Variants in TACC2 observed in about 807,000 individuals in gnomAD.
TACC2 encodes the protein transforming acidic coiled-coil-containing protein 2.
Under a neutral mutation model 227.3 loss-of-function variants are expected in TACC2, and 137 were observed. The ratio of observed to expected loss-of-function variants is 0.60; its 90% CI spans 0.52 to 0.69. The LOEUF is 0.69. Among genes scored for constraint, TACC2 ranks in the 30% least tolerant of loss-of-function variants. The probability of loss-of-function intolerance (pLI) is 0.00; values close to 1 mark genes in which losing one functional copy is unlikely to be tolerated. For missense variants in TACC2, 3,470 were observed against 3,694.4 expected (o/e 0.94, Z 1.57); for synonymous variants, 1,523 against 1,487.5 (o/e 1.02, Z -0.55).
In TACC2 at chr10:122,211,438, A is replaced by G. The variant is rs767291670; in HGVS notation, c.7013A>G (p.Asp2338Gly). Residue 2338 changes from aspartate to glycine, a missense_variant, in exon 9 of 23, where the codon GAT becomes GGT. Asp to Gly is a moderately conservative substitution (Grantham distance 94). Around this residue, in one of 10 missense-constraint regions of TACC2, gnomAD observed 593 missense variants for 636.6 expected, o/e 0.93. Transcript: ENST00000369005. ...IPIAKGTYTFDIDKWDDPNFN... is the reference protein window; with the variant it reads ...IPIAKGTYTFGIDKWDDPNFN... The stretch of plus-strand genomic sequence containing the variant: ...ATTGCTAAAGGTACTTACACCTTTG[A>G]TATTGACAAGTGGGATGACCCCAAT... 2.4e-5 allele frequency: 38 copies of G among 1,613,952 alleles called. No individual in the cohort carries two copies. In the South Asian group the frequency reaches 3.5e-4, roughly 15 times the overall value.
intron 11 of TACC2, among the ~76,000 whole-genome samples, chr10:122,224,403 A>G (rs2095581899): frequency 6.6e-6 from 1 of 152,192 alleles, no homozygotes. Flanking sequence ...GTGCTGTCTT[A>G]TGGGAACACT....
At chr10:122,211,904 T>A (rs2095303098) in intron 9 of TACC2, among the ~76,000 whole-genome samples, 196 bp downstream of exon 9, 1 of 152,204 alleles carries the variant, frequency 6.6e-6, no homozygotes, top group South Asian at 2.1e-4. Context: ...AGTGGTGGCA[T>A]TTTCCCATCC....
chr10:122,086,441 C>G lies in TACC2; in HGVS notation c.3941C>G (p.Pro1314Arg). Reference sequence around the variant, plus strand: ...GCAGTGCAAGCCAGCAGTGGTAGTCCCAAAGCCAGAACCACTGAGGGACCA... The same window carrying G: ...GCAGTGCAAGCCAGCAGTGGTAGTCGCAAAGCCAGAACCACTGAGGGACCA... ...IPAVQASSGSPKARTTEGPVD... is the reference protein window; with the variant it reads ...IPAVQASSGSRKARTTEGPVD... The change falls in exon 4 of 23, where the codon CCC becomes CGC. Residue 1314 changes from proline to arginine, a missense_variant. By Grantham distance (103) the Pro-to-Arg change is moderately radical. Coordinates refer to ENST00000369005, the MANE Select transcript of TACC2 (RefSeq NM_206862.4). 1.9e-6 allele frequency: 3 copies of G among 1,613,840 alleles called. No homozygotes were observed. The highest frequency in any genetic ancestry group is 2.5e-6 in the Non-Finnish European group (3 of 1,180,038).
At position 122,021,941 on chromosome 10, in the gene TACC2, C is replaced by A. The variant is rs756798875; in HGVS notation, c.-41C>A. On this transcript the variant is annotated 5_prime_UTR_variant, in exon 2 of 23. Transcript: ENST00000369005. The stretch of plus-strand genomic sequence containing the variant: ...ATACCCTTTTGTTTCTTCCAGTCAC[C>A]TCTGACAAAATTCTGGGGACGCTGG... 6.2e-7 allele frequency: 1 copy of A among 1,611,192 alleles called. No homozygotes were observed. Among genetic ancestry groups the A allele is most frequent in the South Asian group, 1.1e-5 (1 of 90,998 alleles).
chr10:122,189,299 C>T (rs1178241029), intron 7 of TACC2, among the ~76,000 whole-genome samples: 1 of 152,166 alleles, frequency 6.6e-6, no homozygotes, highest in African/African-American at 2.4e-5. Flanking sequence ...ACAGAGTCCT[C>T]AAACCCTTAC....
At chr10:122,034,029 G>A (rs111429242) in intron 2 of TACC2, among the ~76,000 whole-genome samples, 12,932 of 151,734 alleles carry the variant, frequency 0.085, 645 homozygotes, top group South Asian at 0.18. Context: ...GCGCACACCT[G>A]TAATCCCAGT....
intron 7 of TACC2, among the ~76,000 whole-genome samples, chr10:122,191,619 C>T (rs7082462): frequency 0.092 from 13,925 of 152,134 alleles, 1,014 homozygotes; most frequent in East Asian, 0.3. Context: ...GCCCATAGGC[C>T]GTGGGTTGGA....
Position 122,017,771 on chromosome 10 carries a change from C to T in TACC2, c.-45-4166C>T, listed in dbSNP as rs149346060. Among the ~76,000 whole-genome samples, 658 of 143,536 alleles carry T rather than the reference C, an allele frequency of 4.6e-3. 2 individuals are homozygous for T. The highest frequency in any genetic ancestry group is 0.036 in the Middle Eastern group (10 of 280). 94.2% of individuals were successfully genotyped at this position (143,536 alleles called of 152,430 possible). A position where few individuals can be genotyped will look rare whatever the true frequency, so the allele number is the denominator to read the frequency against. ...GGCAGAGGTTTCAGTGAGCCGAGAT[C>T]GCGCCACTGCACTTCATCCAGCCTG... is the stretch of plus-strand genomic sequence containing the variant. On this transcript the variant is annotated intron_variant, in intron 1 of 22. Coordinates refer to ENST00000369005, the MANE Select transcript of TACC2 (RefSeq NM_206862.4).
chr10:122,217,193 T>G (rs542600625), intron 11 of TACC2, among the ~76,000 whole-genome samples: 1 of 152,152 alleles, frequency 6.6e-6, no homozygotes, highest in Non-Finnish European at 1.5e-5. Flanking sequence ...AAACTCTCAG[T>G]GTAGGTCACT....
At chr10:122,218,821 G>A (rs2095464701) in intron 11 of TACC2, among the ~76,000 whole-genome samples, 1 of 151,770 alleles carries the variant, frequency 6.6e-6, no homozygotes, top group African/African-American at 2.4e-5. Context: ...AGGTGTTCAA[G>A]ACGAGCCTGG....
chr10:122,174,608 A>T (rs953634136), intron 7 of TACC2, among the ~76,000 whole-genome samples: 67 of 152,122 alleles, frequency 4.4e-4, no homozygotes, highest in African/African-American at 1.5e-3. Context: ...GTTTTTTTTT[A>T]AATTGAGAAA....
chr10:122,212,611 A>G (rs2095318587), intron 9 of TACC2, among the ~76,000 whole-genome samples: 1 of 152,206 alleles, frequency 6.6e-6, no homozygotes, highest in African/African-American at 2.4e-5. Flanking sequence ...GGGCAGCAGA[A>G]CAGACCACAG....
chr10:122,090,979 A>G (rs1051728242), intron 5 of TACC2, among the ~76,000 whole-genome samples: 10 of 152,274 alleles, frequency 6.6e-5, no homozygotes, highest in Admixed American at 1.3e-4. Flanking sequence ...GGCTCAAGCA[A>G]TCTTCCTGCT....
chr10:122,131,693 A>G (rs2138799015), intron 5 of TACC2, among the ~76,000 whole-genome samples: 1 of 152,318 alleles, frequency 6.6e-6, no homozygotes, highest in Middle Eastern at 3.4e-3. Flanking sequence ...TCCTTTTATT[A>G]TTAGATTTAA....
At chr10:122,062,427 C>T (rs747459103) in intron 3 of TACC2, among the ~76,000 whole-genome samples, 1 of 152,154 alleles carries the variant, frequency 6.6e-6, no homozygotes, top group Non-Finnish European at 1.5e-5. Flanking sequence ...CCTCGGCCTC[C>T]GGAGTAGCTG....
At chr10:122,200,063 G>A (rs1394195027) in intron 8 of TACC2, among the ~76,000 whole-genome samples, 1 of 152,260 alleles carries the variant, frequency 6.6e-6, no homozygotes, top group Non-Finnish European at 1.5e-5. Context: ...TGAGGGCCGA[G>A]CCTTTTCAGG....
Position 122,085,729 on chromosome 10 carries a change from C to T in TACC2, c.3229C>T (p.Pro1077Ser), listed in dbSNP as rs753310888. The change falls in exon 4 of 23, where the codon CCA becomes TCA. Residue 1077 changes from proline to serine, a missense_variant. Pro to Ser is a moderately conservative substitution (Grantham distance 74, BLOSUM62 -1). This residue lies in a region of TACC2 where 1,924 missense variants were observed against 1,978.3 expected (regional missense o/e 0.97). Transcript: ENST00000369005. ...CGGAGTCACACCCACCCAGGATGCC[C>T]CAGAGACAGAGGCATGTGATGAAAC... ...SPGVTPTQDA[P>S]ETEACDETQE... 13 of 1,613,798 alleles carry T rather than the reference C, an allele frequency of 8.1e-6. 1 individual carries two copies. The South Asian group carries it at 9.9e-5, about 12-fold the overall frequency.
intron 7 of TACC2, among the ~76,000 whole-genome samples, chr10:122,172,555 G>A (rs1216442115): frequency 6.6e-6 from 1 of 152,228 alleles, no homozygotes; most frequent in East Asian, 1.9e-4. Context: ...TGGTCTGGAA[G>A]TATTTTCCCT....
chr10:122,221,533 C>G (rs1445439506), intron 11 of TACC2, among the ~76,000 whole-genome samples: 7 of 152,166 alleles, frequency 4.6e-5, no homozygotes, highest in Non-Finnish European at 8.8e-5. Flanking sequence ...CTCAGCTGTT[C>G]TTTAACGGCA....
Sources: gnomAD v4.1 joint callset for allele counts (sites outside exome capture counted in the v4.1 genomes callset) on GRCh38, gnomAD v4.1.1 for gene constraint, gnomAD v4.1.1 regional missense constraint, MANE v1.5 for transcripts, NCBI Gene and HGNC (gene_info 2026-07-23, HGNC 2026-07-21) for gene names.